Variants in CRYBG1 observed in about 807,000 individuals in gnomAD.
The protein encoded by CRYBG1 is beta/gamma crystallin domain-containing protein 1.
In CRYBG1, 139 loss-of-function variants were observed where a neutral mutation model predicts 189.2. The observed-to-expected ratio is 0.73, with a 90% confidence interval of 0.64 to 0.85. The LOEUF is 0.85. CRYBG1 is among the 40% of genes least tolerant of loss of function. CRYBG1 has a pLI of 0.00. For synonymous variants in CRYBG1, 1,023 were observed against 1,017.1 expected (o/e 1.01, Z -0.11); for missense variants, 2,611 against 2,675.8 (o/e 0.98, Z 0.53).
chr6:106,372,359 C>G (rs144140176), intron 1 of CRYBG1, among the ~76,000 whole-genome samples: 93 of 152,202 alleles, frequency 6.1e-4, no homozygotes, highest in African/African-American at 2.1e-3. Flanking sequence ...TCAGGTGATC[C>G]TCCCACCTCA....
At chr6:106,539,714 A>C (rs1774087434) in intron 9 of CRYBG1, among the ~76,000 whole-genome samples, 185 bp downstream of exon 9, 1 of 152,088 alleles carries the variant, frequency 6.6e-6, no homozygotes, top group African/African-American at 2.4e-5. Flanking sequence ...AAAAAAAAAA[A>C]AAAAAAGGCA....
At chr6:106,547,209 CA>C (rs1348761114) in intron 13 of CRYBG1, among the ~76,000 whole-genome samples, 794 of 24,838 alleles carry the variant, frequency 0.032, 5 homozygotes, top group Non-Finnish European at 0.097. Context: ...CACACACACA[CA>C]CACCACTTCC....
chr6:106,424,218 A>G (rs1260142012), intron 1 of CRYBG1, among the ~76,000 whole-genome samples: 1 of 152,244 alleles, frequency 6.6e-6, no homozygotes, highest in Non-Finnish European at 1.5e-5. Flanking sequence ...AGTACAAAAC[A>G]CAATAAAATG....
intron 2 of CRYBG1, among the ~76,000 whole-genome samples, chr6:106,503,684 C>T (rs919305396): frequency 6.6e-6 from 1 of 152,104 alleles, no homozygotes; most frequent in African/African-American, 2.4e-5. Context: ...TCAGACATTC[C>T]ATGATCTTAT....
chr6:106,542,283 G>GTTT (rs35839968), intron 10 of CRYBG1, among the ~76,000 whole-genome samples: 1 of 113,122 alleles, frequency 8.8e-6, no homozygotes, highest in African/African-American at 3.4e-5. Flanking sequence ...ATTATTTAGG[G>GTTT]TTTTTTTTTT....
chr6:106,377,814 A>C (rs1246608289), intron 1 of CRYBG1, among the ~76,000 whole-genome samples: 2 of 152,058 alleles, frequency 1.3e-5, no homozygotes, highest in African/African-American at 2.4e-5. Context: ...AATTTACTTA[A>C]AATTCAGTAT....
intron 1 of CRYBG1, among the ~76,000 whole-genome samples, chr6:106,372,688 G>A (rs75898175): frequency 0.021 from 3,176 of 152,302 alleles, 46 homozygotes; most frequent in South Asian, 0.053. Flanking sequence ...TTTTTGGCCA[G>A]ATAATTCTCA....
Position 106,511,991 on chromosome 6 carries a change from G to A in CRYBG1, c.874G>A (p.Gly292Ser). Residue 292 changes from glycine (G) to serine (S), a missense_variant, in exon 3 of 22, where the codon GGT (glycine) becomes AGT (serine). Coordinates refer to ENST00000633556, the MANE Select transcript of CRYBG1 (RefSeq NM_001371242.2). ...GAGHEQEAFL[G>S]VRGAPGSPTQ... ...TGGCCACGAACAGGAGGCTTTCCTG[G>A]GTGTGAGGGGTGCGCCAGGGTCGCC... The A allele has an allele frequency of 1.3e-6, 2 of 1,530,620 alleles. No homozygotes were observed. The highest frequency in any genetic ancestry group is 1.7e-6 in the Non-Finnish European group (2 of 1,143,848). 94.8% of individuals were successfully genotyped at this position (1,530,620 alleles called of 1,614,324 possible).
intron 1 of CRYBG1, among the ~76,000 whole-genome samples, chr6:106,438,524 G>A (rs1005643775): frequency 3.3e-5 from 5 of 152,082 alleles, no homozygotes; most frequent in African/African-American, 9.7e-5. Context: ...TGGTGTTCTC[G>A]TTGGCTTCCC....
At chr6:106,564,039 G>A (rs777127768) in intron 21 of CRYBG1, 113 bp downstream of exon 21, 4 of 1,151,930 alleles carry the variant, frequency 3.5e-6, no homozygotes, top group Non-Finnish European at 5.0e-6. Context: ...GTAACAGTAA[G>A]AGAGCCCCTA....
At chr6:106,436,293 C>G (rs973747406) in intron 1 of CRYBG1, among the ~76,000 whole-genome samples, 1 of 77,538 alleles carries the variant, frequency 1.3e-5, no homozygotes, top group Non-Finnish European at 2.2e-5. Context: ...GACATGCAAT[C>G]TCTTTTTTTT....
At chr6:106,451,566 T>C in intron 1 of CRYBG1, 128 bp from the exon 2 acceptor site, 1 of 956,362 alleles carries the variant, frequency 1.0e-6, no homozygotes. Flanking sequence ...GTGTAGGTTT[T>C]GAAGAATGAT....
intron 2 of CRYBG1, among the ~76,000 whole-genome samples, chr6:106,490,291 A>G (rs1772691639): frequency 6.6e-6 from 1 of 152,230 alleles, no homozygotes; most frequent in Admixed American, 6.5e-5. Flanking sequence ...TCTTTAAGCC[A>G]GGCTTGCCTG....
intron 3 of CRYBG1, among the ~76,000 whole-genome samples, chr6:106,517,006 C>CTTT (rs5878896): frequency 5.7e-4 from 61 of 106,642 alleles, no homozygotes; most frequent in Non-Finnish European, 7.8e-4. Flanking sequence ...ATGGTTTAGA[C>CTTT]TTTTTTTTTT....
rs531405264 is a variant in CRYBG1 at position 106,567,767 on chromosome 6, T to G, written c.6302-705T>G. ...AGGCTGTTTTTAGCACTAAAGTATCTGAAACATCCAGTAAGCACCTTTGGA... is the reference window on the plus strand; with the variant it reads ...AGGCTGTTTTTAGCACTAAAGTATCGGAAACATCCAGTAAGCACCTTTGGA... On this transcript the variant is annotated intron_variant, in intron 21 of 21. Coordinates refer to ENST00000633556, the MANE Select transcript of CRYBG1 (RefSeq NM_001371242.2). Among the ~76,000 whole-genome samples, 12 of 152,344 alleles carry G rather than the reference T, an allele frequency of 7.9e-5. No individual in the cohort carries two copies. In the South Asian group the frequency reaches 2.5e-3, roughly 32 times the overall value.
chr6:106,491,903 C>T (rs761306910), intron 2 of CRYBG1, among the ~76,000 whole-genome samples: 1 of 152,178 alleles, frequency 6.6e-6, no homozygotes, highest in Non-Finnish European at 1.5e-5. Context: ...CTTATTCAAC[C>T]TCCCATATAT....
intron 1 of CRYBG1, among the ~76,000 whole-genome samples, chr6:106,439,851 T>C (rs1222268452): frequency 6.6e-6 from 1 of 152,194 alleles, no homozygotes; most frequent in African/African-American, 2.4e-5. Context: ...TGATATATGT[T>C]CCCGGAAAAC....
chr6:106,520,073 C>T lies in CRYBG1; in HGVS notation c.2865C>T (p.Val955=). 1 of 1,614,160 alleles carries T rather than the reference C, an allele frequency of 6.2e-7. No individual in the cohort carries two copies. The highest frequency in any genetic ancestry group is 8.5e-7 in the Non-Finnish European group (1 of 1,180,020). ...VGSECPSRVL[V]QVRSFVLPVE... is the part of the protein sequence containing the mutation. Reference sequence around the variant, plus strand: ...GTGAGTGTCCATCCAGAGTCCTCGTCCAGGTCAGGTCCTTCGTGCTCCCCG... The same window carrying T: ...GTGAGTGTCCATCCAGAGTCCTCGTTCAGGTCAGGTCCTTCGTGCTCCCCG... Residue 955 remains valine (V), a synonymous_variant, in exon 4 of 22, where the codon GTC becomes GTT. Transcript: ENST00000633556.
At chr6:106,429,915 T>A (rs185999064) in intron 1 of CRYBG1, among the ~76,000 whole-genome samples, 78 of 152,316 alleles carry the variant, frequency 5.1e-4, no homozygotes, top group African/African-American at 1.8e-3. Flanking sequence ...TACTATTGAG[T>A]TGATTCTTTA....
Sources: gnomAD v4.1 joint callset for allele counts (sites outside exome capture counted in the v4.1 genomes callset) on GRCh38, gnomAD v4.1.1 for gene constraint, MANE v1.5 for transcripts, NCBI Gene and HGNC (gene_info 2026-07-23, HGNC 2026-07-21) for gene names.